SGCD: variants seen among roughly 807,000 people sequenced by gnomAD.
SGCD encodes the protein delta-sarcoglycan.
Under a neutral mutation model 36.6 loss-of-function variants are expected in SGCD, and 18 were observed. The observed-to-expected ratio is 0.49, with a 90% CI of 0.34 to 0.73. The LOEUF (loss-of-function observed/expected upper bound fraction) is 0.73. Ranked by LOEUF, SGCD falls within the 30% of genes least tolerant of loss-of-function variation. SGCD has a pLI of 0.01. For synonymous variants in SGCD, 133 were observed against 130.6 expected (o/e 1.02, Z -0.12); for missense variants, 387 against 346.7 (o/e 1.12, Z -0.92).
chr5:156,223,072 C>T (rs1269277993), intron 3 of SGCD, among the ~76,000 whole-genome samples: 1 of 152,030 alleles, frequency 6.6e-6, no homozygotes, highest in Admixed American at 6.6e-5. Flanking sequence ...GAAAATAAGC[C>T]TTCTATTTGG....
At chr5:156,457,936 A>G (rs1327651673) in intron 3 of SGCD, among the ~76,000 whole-genome samples, 1 of 152,156 alleles carries the variant, frequency 6.6e-6, no homozygotes, top group Non-Finnish European at 1.5e-5. Flanking sequence ...TGGGCGGTTT[A>G]GGACCTTTCC....
At chr5:156,731,677 A>G (rs1281356534) in intron 7 of SGCD, among the ~76,000 whole-genome samples, 5 of 150,454 alleles carry the variant, frequency 3.3e-5, no homozygotes, top group African/African-American at 4.8e-5. Flanking sequence ...TTGGTTCCAC[A>G]TGATTTTTAA....
intron 1 of SGCD, among the ~76,000 whole-genome samples, chr5:156,075,747 T>G (rs1043261939): frequency 6.6e-6 from 1 of 152,154 alleles, no homozygotes; most frequent in Admixed American, 6.5e-5. Flanking sequence ...TTAAGAACAA[T>G]ACAGAAGTGT....
At chr5:156,395,290 A>G (rs4704800) in intron 3 of SGCD, among the ~76,000 whole-genome samples, 121,230 of 152,176 alleles carry the variant, frequency 0.8, 49,014 homozygotes, top group African/African-American at 0.94. Context: ...GGACTAGGGC[A>G]TCCTATGTGA....
At chr5:156,424,904 C>G (rs1211937972) in intron 3 of SGCD, among the ~76,000 whole-genome samples, 5 of 152,050 alleles carry the variant, frequency 3.3e-5, no homozygotes, top group Admixed American at 3.3e-4. Flanking sequence ...GAAATGTTGC[C>G]AACCAGAGGA....
At chr5:156,272,954 C>G (rs1046294849) in intron 3 of SGCD, among the ~76,000 whole-genome samples, 1 of 152,198 alleles carries the variant, frequency 6.6e-6, no homozygotes, top group Non-Finnish European at 1.5e-5. Flanking sequence ...CAAAGCCAAA[C>G]GCCTTTACTA....
intron 1 of SGCD, among the ~76,000 whole-genome samples, chr5:155,987,106 A>G (rs1475297286): frequency 1.3e-5 from 2 of 152,324 alleles, no homozygotes; most frequent in Admixed American, 6.5e-5. Flanking sequence ...ATGACATTCA[A>G]GGAGAATTAG....
intron 2 of SGCD, among the ~76,000 whole-genome samples, chr5:156,337,357 G>A (rs1414484258): frequency 1.3e-5 from 2 of 152,086 alleles, no homozygotes; most frequent in African/African-American, 4.8e-5. Context: ...TACTTGATTT[G>A]TATCACTTGT....
intron 3 of SGCD, among the ~76,000 whole-genome samples, chr5:156,372,460 G>C (rs561137386): frequency 6.6e-6 from 1 of 152,250 alleles, no homozygotes; most frequent in South Asian, 2.1e-4. Context: ...TGGCTCGTTT[G>C]AATTTACTTT....
intron 7 of SGCD, among the ~76,000 whole-genome samples, chr5:156,746,651 G>A (rs528941734): frequency 1.3e-5 from 2 of 152,270 alleles, no homozygotes; most frequent in Non-Finnish European, 1.5e-5. Context: ...TTCAACTAAT[G>A]GAGCTGGAAC....
At chr5:156,405,840 T>C (rs892741479) in intron 3 of SGCD, among the ~76,000 whole-genome samples, 39 of 152,128 alleles carry the variant, frequency 2.6e-4, no homozygotes, top group Admixed American at 1.3e-4. Flanking sequence ...CTGAGTCTTC[T>C]GCTGAGTCTG....
chr5:155,731,517 T>C, the SGCD span, among the ~76,000 whole-genome samples: 17 of 152,186 alleles, frequency 1.1e-4, no homozygotes, highest in Non-Finnish European at 1.8e-4. Flanking sequence ...TGGGGAGTCA[T>C]GAATTATGCA....
intron 3 of SGCD, among the ~76,000 whole-genome samples, chr5:156,406,805 TATATATATATATATACAC>T (rs1433810261): frequency 2.4e-5 from 2 of 84,150 alleles, no homozygotes; most frequent in Admixed American, 1.0e-4. Context: ...TATATATATA[TATATATATATATATACAC>T]ACACACACAC....
intron 2 of SGCD, among the ~76,000 whole-genome samples, chr5:156,334,609 C>CTT (rs35767339): frequency 0.044 from 4,661 of 105,016 alleles, 196 homozygotes; most frequent in African/African-American, 0.12. Flanking sequence ...GGTCTATTTT[C>CTT]TTTTTTTTTT....
intron 1 of SGCD, among the ~76,000 whole-genome samples, chr5:156,087,943 G>A (rs894217847): frequency 3.9e-5 from 6 of 152,230 alleles, no homozygotes; most frequent in Admixed American, 3.9e-4. Context: ...CCACTGTACA[G>A]TGTCCTGGCC....
At chr5:156,131,146 A>T (rs1762311033) in intron 3 of SGCD, among the ~76,000 whole-genome samples, 1 of 152,222 alleles carries the variant, frequency 6.6e-6, no homozygotes, top group Non-Finnish European at 1.5e-5. Context: ...TCTCAGGGTG[A>T]ACCTTCTAGA....
chr5:156,094,512 A>T (rs1581095846), intron 1 of SGCD, among the ~76,000 whole-genome samples: 1 of 152,202 alleles, frequency 6.6e-6, no homozygotes, highest in East Asian at 1.9e-4. Context: ...CTTTGACAAA[A>T]TAATTTTAGC....
intron 1 of SGCD, among the ~76,000 whole-genome samples, chr5:156,095,611 G>A (rs771521789): frequency 1.2e-4 from 19 of 152,100 alleles, no homozygotes; most frequent in Non-Finnish European, 2.4e-4. Flanking sequence ...ATTCATAAGC[G>A]CGGTGGAAAC....
chr5:155,992,977 C>T (rs909835969), intron 1 of SGCD, among the ~76,000 whole-genome samples: 3 of 151,876 alleles, frequency 2.0e-5, no homozygotes, highest in South Asian at 4.2e-4. Flanking sequence ...TTTGTGGGCT[C>T]TTATACTCCA....
Sources: gnomAD v4.1 joint callset for allele counts (sites outside exome capture counted in the v4.1 genomes callset) on GRCh38, gnomAD v4.1.1 for gene constraint, MANE v1.5 for transcripts, NCBI Gene and HGNC (gene_info 2026-07-23, HGNC 2026-07-21) for gene names.